Variants in ZNF678 observed in about 807,000 individuals in gnomAD.
The protein encoded by ZNF678 is hypothetical protein MGC42493.
Under a neutral mutation model 3.0 loss-of-function variants are expected in ZNF678, and 5 were observed. That is an observed-to-expected ratio of 1.69 (90% CI 0.88 to 3.56). ZNF678 has a LOEUF of 3.56. ZNF678 is among the 30% of genes most tolerant of loss of function. The probability of loss-of-function intolerance (pLI) is 0.00; values close to 1 mark genes in which losing one functional copy is unlikely to be tolerated. For missense variants in ZNF678, 593 were observed against 605.0 expected, an observed-to-expected ratio of 0.98 and a Z score of 0.21; for synonymous variants, 218 against 199.6, an observed-to-expected ratio of 1.09 and a Z score of -0.78.
chr1:227,600,080 A>T (rs958764817), intron 1 of ZNF678, among the ~76,000 whole-genome samples: 1 of 152,084 alleles, frequency 6.6e-6, no homozygotes, highest in Non-Finnish European at 1.5e-5. Flanking sequence ...CTGTTCCTGC[A>T]TTAGTAGCTA....
At chr1:227,623,362 C>T (rs967844746) in intron 1 of ZNF678, among the ~76,000 whole-genome samples, 1 of 152,214 alleles carries the variant, frequency 6.6e-6, no homozygotes, top group East Asian at 1.9e-4. Flanking sequence ...CTGATTTTTT[C>T]TCCCTTCAGT....
At chr1:227,653,204 G>A (rs922320568) in intron 3 of ZNF678, among the ~76,000 whole-genome samples, 7 of 151,730 alleles carry the variant, frequency 4.6e-5, no homozygotes, top group African/African-American at 1.7e-4. Context: ...ATTCCTCTCT[G>A]TGATTTCAAA....
intron 5 of ZNF678, among the ~76,000 whole-genome samples, chr1:227,671,146 AGT>A (rs1659594786): frequency 6.9e-6 from 1 of 144,434 alleles, no homozygotes; most frequent in South Asian, 2.2e-4. Flanking sequence ...GTGCCATCAT[AGT>A]TCACTGGAGC....
Position 227,654,858 on chromosome 1 carries a change from A to T in ZNF678, c.608A>T (p.His203Leu). 1 of 1,608,926 alleles carries T rather than the reference A, an allele frequency of 6.2e-7. No individual in the cohort carries two copies. The highest frequency in any genetic ancestry group is 2.3e-5 in the East Asian group (1 of 43,082). ...WSQLTSHKKI[H>L]SGEKPYPCEE... ...CAACTAACTAGCCATAAGAAAATTC[A>T]TAGTGGAGAGAAACCATACCCATGT... Residue 203 changes from histidine to leucine, a missense_variant, in exon 4 of 4, where the codon CAT becomes CTT. By Grantham distance (99) the His-to-Leu change is moderately conservative. Transcript: ENST00000343776.
chr1:227,587,715 G>C (rs1285470233), intron 1 of ZNF678, among the ~76,000 whole-genome samples: 1 of 152,070 alleles, frequency 6.6e-6, no homozygotes, highest in Admixed American at 6.6e-5. Flanking sequence ...AGATGTTAGG[G>C]GAAGTTATGG....
intron 1 of ZNF678, among the ~76,000 whole-genome samples, chr1:227,623,614 G>A (rs929659176): frequency 6.6e-6 from 1 of 151,712 alleles, no homozygotes; most frequent in Non-Finnish European, 1.5e-5. Flanking sequence ...AACCATTTTT[G>A]AGTTATGTTC....
chr1:227,614,044 T>C (rs964294950), intron 1 of ZNF678, among the ~76,000 whole-genome samples: 19 of 152,206 alleles, frequency 1.2e-4, no homozygotes, highest in African/African-American at 4.6e-4. Context: ...TTGAGACTTA[T>C]GGTCTCTATT....
chr1:227,624,751 C>G (rs1658366179), intron 1 of ZNF678, among the ~76,000 whole-genome samples: 1 of 152,218 alleles, frequency 6.6e-6, no homozygotes, highest in South Asian at 2.1e-4. Context: ...GGCACTTACC[C>G]ACGCAGGAAC....
intron 1 of ZNF678, among the ~76,000 whole-genome samples, chr1:227,623,163 C>T (rs1432263388): frequency 1.3e-5 from 2 of 152,206 alleles, no homozygotes; most frequent in Non-Finnish European, 2.9e-5. Flanking sequence ...TATATTTGCT[C>T]CTATGGGTTC....
At chr1:227,602,024 A>G (rs947444990) in intron 1 of ZNF678, among the ~76,000 whole-genome samples, 14 of 152,208 alleles carry the variant, frequency 9.2e-5, no homozygotes, top group African/African-American at 1.4e-4. Flanking sequence ...CAGGGATAAC[A>G]TGACTTCCTC....
intron 1 of ZNF678, among the ~76,000 whole-genome samples, chr1:227,632,556 T>G (rs1316360787): frequency 6.6e-6 from 1 of 151,884 alleles, no homozygotes; most frequent in African/African-American, 2.4e-5. Flanking sequence ...AGGAATATTG[T>G]GAAAGTGGAA....
Position 227,599,725 on chromosome 1 carries a change from A to G in ZNF678, c.-164+36001A>G, listed in dbSNP as rs140946587. 5.8e-4 allele frequency among the ~76,000 whole-genome samples: 88 copies of G among 152,340 alleles called. No homozygotes were observed. In the East Asian group the frequency reaches 0.014, roughly 25 times the overall value. On this transcript the variant is annotated intron_variant, in intron 1 of 3. Coordinates refer to ENST00000343776, the MANE Select transcript of ZNF678 (RefSeq NM_001367909.1). ...CTGTTGTTTATCAAATCTTTGAAGA[A>G]TTAATAAACACCGTACATGAATGTT... is the stretch of plus-strand genomic sequence containing the variant.
downstream of ZNF678, among the ~76,000 whole-genome samples, chr1:227,678,608 C>G (rs1369096519): frequency 6.6e-6 from 1 of 152,168 alleles, no homozygotes; most frequent in Non-Finnish European, 1.5e-5. Flanking sequence ...GAAATGGAAC[C>G]TCTGTAACCT....
rs1188181165 is a variant in ZNF678 at position 227,655,497 on chromosome 1, A to G, written c.1247A>G (p.Gln416Arg). The change falls in exon 4 of 4, where the codon CAG becomes CGG. Residue 416 changes from glutamine (Q) to arginine (R), a missense_variant. By Grantham distance (43) the Gln-to-Arg change is conservative. Coordinates refer to ENST00000343776, the MANE Select transcript of ZNF678 (RefSeq NM_001367909.1). ...GAAGAATGTGGGAAAGTTTTTAAACAGTGCTCTCACCTAACTAGCCATAAG... is the reference window on the plus strand; with the variant it reads ...GAAGAATGTGGGAAAGTTTTTAAACGGTGCTCTCACCTAACTAGCCATAAG... Reference protein sequence around the residue: ...KCEECGKVFKQCSHLTSHKRI... With the variant: ...KCEECGKVFKRCSHLTSHKRI... 1 of 1,612,206 alleles carries G rather than the reference A, an allele frequency of 6.2e-7. No individual in the cohort carries two copies. Among genetic ancestry groups the G allele is most frequent in the South Asian group, 1.1e-5 (1 of 90,968 alleles).
intron 2 of ZNF678, among the ~76,000 whole-genome samples, chr1:227,650,611 A>C (rs1659067284): frequency 6.6e-6 from 1 of 152,166 alleles, no homozygotes; most frequent in South Asian, 2.1e-4. Flanking sequence ...TCTAATTCAT[A>C]AACATTGGGT....
Position 227,651,059 on chromosome 1 carries a change from A to G in ZNF678, c.68A>G (p.Tyr23Cys), listed in dbSNP as rs1190158784. The change falls in exon 3 of 4, where the codon TAT (tyrosine) becomes TGT (cysteine). Residue 23 changes from tyrosine (Y) to cysteine (C), a missense_variant. Physicochemically the swap from Tyr to Cys is radical, Grantham distance 194 (BLOSUM62 -2). Coordinates refer to ENST00000343776, the MANE Select transcript of ZNF678 (RefSeq NM_001367909.1). ...FEGANTSTSF[Y>C]KLVYTAILSY... Reference sequence around the variant, plus strand: ...GGAGCAAACACCTCTACCAGTTTTTATAAACTGGTTTATACAGGTAAAGAT... The same window carrying G: ...GGAGCAAACACCTCTACCAGTTTTTGTAAACTGGTTTATACAGGTAAAGAT... 1.5e-5 allele frequency: 24 copies of G among 1,613,606 alleles called. No individual in the cohort carries two copies. The highest frequency in any genetic ancestry group is 3.3e-5 in the Admixed American group (2 of 59,998).
chr1:227,627,254 T>C (rs1423760498), intron 1 of ZNF678, among the ~76,000 whole-genome samples: 1 of 151,946 alleles, frequency 6.6e-6, no homozygotes, highest in Non-Finnish European at 1.5e-5. Flanking sequence ...TTTCCATTGG[T>C]TAGCTGCAGG....
In ZNF678 at chr1:227,661,543, GA is replaced by G. The variant is rs1426144562; in HGVS notation, c.*5716del. 2 of 152,056 alleles carry G rather than the reference GA, an allele frequency of 1.3e-5. No individual in the cohort carries two copies. Among genetic ancestry groups the G allele is most frequent in the Non-Finnish European group, 2.9e-5 (2 of 68,016 alleles). 9.4% of individuals were successfully genotyped at this position (152,056 alleles called of 1,614,324 possible). On this transcript the variant is annotated 3_prime_UTR_variant, in exon 4 of 4. Transcript: ENST00000343776. The stretch of plus-strand genomic sequence containing the variant: ...CAGCATGCCCAGAAGCCTTTTTATG[GA>G]GCCAGGCATGGTTGACCTGCTTTCC...
rs117463283 is a variant in ZNF678, at chr1:227,615,940, C to G, written c.-163-30604C>G. ...GGTCTTGTGATCTCCCCTAATTTTT[C>G]AGGCAACACGGGACCTATAATGCCC... is the stretch of plus-strand genomic sequence containing the variant. On this transcript the variant is annotated intron_variant, in intron 1 of 3. Coordinates refer to ENST00000343776, the MANE Select transcript of ZNF678 (RefSeq NM_001367909.1). Among the ~76,000 whole-genome samples the G allele has an allele frequency of 2.4e-4, 37 of 152,274 alleles. No homozygotes were observed. The East Asian group carries it at 6.8e-3, about 28-fold the overall frequency.
Sources: allele counts gnomAD v4.1 joint callset (sites outside exome capture counted in the v4.1 genomes callset), GRCh38; gene constraint gnomAD v4.1.1; transcripts MANE v1.5; gene names NCBI Gene and HGNC (gene_info 2026-07-23, HGNC 2026-07-21).